Variants in TNS3 observed in about 807,000 individuals in gnomAD.
The protein encoded by TNS3 is tensin 3.
TNS3 carries 45 observed loss-of-function variants against 140.9 expected under a neutral mutation model. That is an observed-to-expected ratio of 0.32 (90% CI 0.25 to 0.41). The LOEUF is 0.41. Among genes scored for constraint, TNS3 ranks in the 10% least tolerant of loss-of-function variants. TNS3 has a pLI of 1.00. For missense variants in TNS3, 1,716 were observed against 1,906.7 expected, an observed-to-expected ratio of 0.90 and a Z score of 1.86; for synonymous variants, 815 against 788.4, an observed-to-expected ratio of 1.03 and a Z score of -0.56.
chr7:47,530,838 A>AAAAAAAAATATATATATATATATATAT, intron 1 of TNS3, among the ~76,000 whole-genome samples: 1 of 54,566 alleles, frequency 1.8e-5, no homozygotes, highest in African/African-American at 7.9e-5. Flanking sequence ...AAAAAAAAAA[A>AAAAAAAAATATATATATATATATATAT]ATATATATAT....
chr7:47,558,675 G>A (rs947999372), intron 1 of TNS3, among the ~76,000 whole-genome samples: 2 of 152,052 alleles, frequency 1.3e-5, no homozygotes, highest in Admixed American at 6.5e-5. Context: ...GGTTTCCCAC[G>A]CATGAGGAGA....
intron 16 of TNS3, among the ~76,000 whole-genome samples, chr7:47,385,065 G>T (rs1464605543): frequency 2.0e-5 from 3 of 152,202 alleles, no homozygotes; most frequent in Non-Finnish European, 2.9e-5. Flanking sequence ...GCCTTGTACA[G>T]GTCAAGTGAC....
At chr7:47,302,553 G>A (rs1288729838) in intron 22 of TNS3, among the ~76,000 whole-genome samples, 1 of 152,188 alleles carries the variant, frequency 6.6e-6, no homozygotes, top group African/African-American at 2.4e-5. Context: ...GGTTGGTGTT[G>A]TTCAACCCAT....
At chr7:47,316,900 G>A (rs1230958005) in intron 20 of TNS3, among the ~76,000 whole-genome samples, 1 of 151,944 alleles carries the variant, frequency 6.6e-6, no homozygotes, top group Non-Finnish European at 1.5e-5. Context: ...CAGATATAAT[G>A]AGAATTAATT....
chr7:47,536,588 A>G (rs1428749468), intron 1 of TNS3, among the ~76,000 whole-genome samples: 1 of 152,186 alleles, frequency 6.6e-6, no homozygotes, highest in Non-Finnish European at 1.5e-5. Flanking sequence ...TCCCAATTCC[A>G]TTGCAGGGAA....
At chr7:47,385,132 T>C (rs1792000413) in intron 16 of TNS3, among the ~76,000 whole-genome samples, 1 of 152,132 alleles carries the variant, frequency 6.6e-6, no homozygotes, top group Non-Finnish European at 1.5e-5. Context: ...GCATCCTGGC[T>C]CCTGCACCAG....
chr7:47,415,608 G>C, intron 10 of TNS3, among the ~76,000 whole-genome samples: 1 of 152,230 alleles, frequency 6.6e-6, no homozygotes, highest in Non-Finnish European at 1.5e-5. Flanking sequence ...CCTATGGCAG[G>C]GTCACATGAC....
At chr7:47,328,637 C>T (rs1214015029) in intron 20 of TNS3, among the ~76,000 whole-genome samples, 2 of 152,204 alleles carry the variant, frequency 1.3e-5, no homozygotes, top group Admixed American at 1.3e-4. Context: ...CCCCCCACCC[C>T]GGCAGGAGCC....
At chr7:47,387,091 A>C (rs1418494531) in intron 16 of TNS3, among the ~76,000 whole-genome samples, 1 of 152,254 alleles carries the variant, frequency 6.6e-6, no homozygotes, top group African/African-American at 2.4e-5. Flanking sequence ...AACATCAAGT[A>C]GCTTGCTTGT....
At chr7:47,512,019 G>A (rs1798631353) in intron 2 of TNS3, among the ~76,000 whole-genome samples, 1 of 152,250 alleles carries the variant, frequency 6.6e-6, no homozygotes, top group Admixed American at 6.5e-5. Context: ...CAGGGAGAAA[G>A]TCACATTCTC....
intron 16 of TNS3, among the ~76,000 whole-genome samples, chr7:47,370,897 T>C (rs1206247138): frequency 2.6e-5 from 4 of 152,176 alleles, no homozygotes; most frequent in Non-Finnish European, 5.9e-5. Flanking sequence ...GGGCTCCAGG[T>C]TGATGCACCA....
At chr7:47,473,343 G>C (rs529147285) in intron 4 of TNS3, among the ~76,000 whole-genome samples, 35 of 152,224 alleles carry the variant, frequency 2.3e-4, no homozygotes, top group Non-Finnish European at 4.6e-4. Context: ...AGAGATTAAG[G>C]AGCAAGAACA....
At chr7:47,328,006 C>G (rs942984194) in intron 20 of TNS3, among the ~76,000 whole-genome samples, 9 of 152,218 alleles carry the variant, frequency 5.9e-5, no homozygotes, top group Admixed American at 2.0e-4. Flanking sequence ...CTGGTCAGTC[C>G]ATGGAAGGGC....
chr7:47,336,189 T>TAA (rs10551215), intron 20 of TNS3, among the ~76,000 whole-genome samples: 257 of 133,126 alleles, frequency 1.9e-3, no homozygotes, highest in African/African-American at 6.5e-3. Flanking sequence ...CAAGCAGAGT[T>TAA]AAAAAAAAAA....
intron 1 of TNS3, among the ~76,000 whole-genome samples, chr7:47,566,452 T>C (rs1207477726): frequency 2.0e-5 from 3 of 152,200 alleles, no homozygotes; most frequent in African/African-American, 7.2e-5. Flanking sequence ...ACAAAGTAAA[T>C]ACGATTTTCT....
At chr7:47,516,570 C>T (rs896822274) in intron 2 of TNS3, among the ~76,000 whole-genome samples, 2 of 151,874 alleles carry the variant, frequency 1.3e-5, no homozygotes, top group Non-Finnish European at 2.9e-5. Flanking sequence ...GCCTCTACCC[C>T]GTTCTACACC....
At chr7:47,287,225 T>A (rs983918796) in intron 27 of TNS3, among the ~76,000 whole-genome samples, 17 of 152,214 alleles carry the variant, frequency 1.1e-4, no homozygotes, top group African/African-American at 3.4e-4. Flanking sequence ...ATTATATTCC[T>A]CTGCTTCAAC....
Position 47,303,198 on chromosome 7 carries a change from A to T in TNS3, c.3209T>A (p.Phe1070Tyr). Reference sequence around the variant, plus strand: ...GCTGTGTCCAGGCGCCACCGTGAGAAAGTTGTGGGACAGGAAGCCATTGTC... The same window carrying T: ...GCTGTGTCCAGGCGCCACCGTGAGATAGTTGTGGGACAGGAAGCCATTGTC... ...AADNGFLSHN[F>Y]LTVAPGHSSH... The change falls in exon 22 of 31, where the codon TTT becomes TAT. Residue 1070 changes from phenylalanine (F) to tyrosine (Y), a missense_variant. Phe to Tyr is a conservative substitution (Grantham distance 22, BLOSUM62 3). Around this residue, in one of 3 missense-constraint regions of TNS3, gnomAD observed 1,163 missense variants for 1,182.1 expected, o/e 0.98. Transcript: ENST00000311160. 2 of 1,613,570 alleles carry T rather than the reference A, an allele frequency of 1.2e-6. No homozygotes were observed. Among genetic ancestry groups the T allele is most frequent in the Non-Finnish European group, 1.7e-6 (2 of 1,179,994 alleles).
intron 16 of TNS3, among the ~76,000 whole-genome samples, chr7:47,394,158 C>T (rs1792691628): frequency 6.6e-6 from 1 of 152,244 alleles, no homozygotes; most frequent in African/African-American, 2.4e-5. Flanking sequence ...TCTAATCATT[C>T]ATTCAAGAAA....
Sources: allele counts gnomAD v4.1 joint callset (sites outside exome capture counted in the v4.1 genomes callset), GRCh38; gene constraint gnomAD v4.1.1; regional missense constraint gnomAD v4.1.1; transcripts MANE v1.5; gene names NCBI Gene and HGNC (gene_info 2026-07-23, HGNC 2026-07-21).